EXOC4: variants seen among roughly 807,000 people sequenced by gnomAD.
EXOC4 encodes the protein SEC8-like 1.
Under a neutral mutation model 107.2 loss-of-function variants are expected in EXOC4, and 71 were observed. The ratio of observed to expected loss-of-function variants is 0.66; its 90% CI spans 0.55 to 0.81. The LOEUF (loss-of-function observed/expected upper bound fraction) is 0.81. EXOC4 is among the 30% of genes least tolerant of loss of function. The probability of loss-of-function intolerance (pLI) is 0.00; values close to 1 mark genes in which losing one functional copy is unlikely to be tolerated. For synonymous variants in EXOC4, 456 were observed against 441.2 expected, an observed-to-expected ratio of 1.03 and a Z score of -0.42; for missense variants, 1,108 against 1,189.6, an observed-to-expected ratio of 0.93 and a Z score of 1.01.
intron 9 of EXOC4, among the ~76,000 whole-genome samples, chr7:133,577,375 C>A (rs1358002011): frequency 6.6e-6 from 1 of 152,136 alleles, no homozygotes; most frequent in African/African-American, 2.4e-5. Context: ...TCACCTCTCT[C>A]TCAATTTTCG....
chr7:134,056,737 T>C (rs1260876067), intron 17 of EXOC4, among the ~76,000 whole-genome samples: 3 of 152,192 alleles, frequency 2.0e-5, no homozygotes, highest in Non-Finnish European at 2.9e-5. Context: ...GAAGAGGACA[T>C]GTCAACCATA....
chr7:133,324,584 G>A (rs974382864), intron 5 of EXOC4, among the ~76,000 whole-genome samples: 3 of 152,050 alleles, frequency 2.0e-5, no homozygotes, highest in African/African-American at 7.2e-5. Context: ...ACAGTTTGTT[G>A]TGATTTCTGT....
At chr7:133,644,959 G>A (rs1802951490) in intron 10 of EXOC4, among the ~76,000 whole-genome samples, 1 of 152,116 alleles carries the variant, frequency 6.6e-6, no homozygotes, top group South Asian at 2.1e-4. Flanking sequence ...CTCAGCCATA[G>A]CTGTATCCCC....
chr7:133,785,454 G>C (rs1452376832), intron 10 of EXOC4, among the ~76,000 whole-genome samples: 1 of 152,012 alleles, frequency 6.6e-6, no homozygotes, highest in Non-Finnish European at 1.5e-5. Flanking sequence ...ATCTTTTGAT[G>C]ACTTTGTAAT....
chr7:133,715,504 G>A lies in EXOC4; in HGVS notation c.1514+85363G>A, dbSNP rs1794981589. 1.3e-5 allele frequency among the ~76,000 whole-genome samples: 2 copies of A among 151,402 alleles called. 1 individual carries two copies. The highest frequency in any genetic ancestry group is 4.2e-4 in the South Asian group (2 of 4,808). On this transcript the variant is annotated intron_variant, in intron 10 of 17. Coordinates refer to ENST00000253861, the MANE Select transcript of EXOC4 (RefSeq NM_021807.4). ...ACTTTTTTTTTTTTTGGAAGGGGGAGAAATTGGGAATGCAAGCAATGGGAG... is the reference window on the plus strand; with the variant it reads ...ACTTTTTTTTTTTTTGGAAGGGGGAAAAATTGGGAATGCAAGCAATGGGAG...
intron 11 of EXOC4, among the ~76,000 whole-genome samples, chr7:133,889,263 T>C (rs1295033585): frequency 6.6e-6 from 1 of 152,140 alleles, no homozygotes; most frequent in East Asian, 1.9e-4. Flanking sequence ...TGATAGCGAC[T>C]TGAAAATCCC....
chr7:133,957,823 G>A (rs1030709265), intron 14 of EXOC4, among the ~76,000 whole-genome samples: 4 of 152,184 alleles, frequency 2.6e-5, no homozygotes, highest in East Asian at 1.9e-4. Context: ...TTCATTAGGG[G>A]TTAATTAGCC....
At chr7:133,370,091 C>G (rs527868705) in intron 6 of EXOC4, among the ~76,000 whole-genome samples, 1 of 151,952 alleles carries the variant, frequency 6.6e-6, no homozygotes, top group African/African-American at 2.4e-5. Context: ...TGTGCCTGGC[C>G]TCCTTCCAGA....
In EXOC4 at chr7:133,325,570, C is replaced by T. The variant is rs192808043; in HGVS notation, c.763+8180C>T. On this transcript the variant is annotated intron_variant, in intron 5 of 17. Coordinates refer to ENST00000253861, the MANE Select transcript of EXOC4 (RefSeq NM_021807.4). The stretch of plus-strand genomic sequence containing the variant: ...CTCTTCTGGCTTGTAGAGTTTCTGC[C>T]GAGAGATCCGCTGTTAGTCTGATGG... Among the ~76,000 whole-genome samples the T allele has an allele frequency of 1.9e-3, 287 of 152,236 alleles. 2 individuals are homozygous for T. Among genetic ancestry groups the T allele is most frequent in the African/African-American group, 6.5e-3 (269 of 41,530 alleles).
chr7:133,921,548 C>T (rs1184853172), intron 13 of EXOC4, among the ~76,000 whole-genome samples: 3 of 152,150 alleles, frequency 2.0e-5, no homozygotes, highest in African/African-American at 7.2e-5. Context: ...GAAGAGAAGT[C>T]TGATATAATT....
intron 9 of EXOC4, among the ~76,000 whole-genome samples, chr7:133,562,592 AGT>A (rs1800830615): frequency 6.6e-6 from 1 of 152,200 alleles, no homozygotes; most frequent in Non-Finnish European, 1.5e-5. Flanking sequence ...TGTTTTCACA[AGT>A]GTGTGAAGAC....
At chr7:133,352,189 T>G (rs1795925880) in intron 5 of EXOC4, among the ~76,000 whole-genome samples, 3 of 151,934 alleles carry the variant, frequency 2.0e-5, no homozygotes, top group Non-Finnish European at 4.4e-5. Context: ...GTCTGTTAGA[T>G]CTAGTTGGTT....
At chr7:133,823,870 T>TATATAA (rs1420436306) in intron 11 of EXOC4, among the ~76,000 whole-genome samples, 6 of 12,306 alleles carry the variant, frequency 4.9e-4, no homozygotes, top group African/African-American at 2.6e-3. Context: ...TATATATATA[T>TATATAA]ATTATATATA....
intron 7 of EXOC4, among the ~76,000 whole-genome samples, chr7:133,473,620 A>G (rs1360775911): frequency 6.6e-6 from 1 of 151,790 alleles, no homozygotes; most frequent in Admixed American, 6.6e-5. Context: ...TTTGTATGGA[A>G]TATCTTTTTC....
In EXOC4 at chr7:133,517,455, G is replaced by T. The variant is rs553834241; in HGVS notation, c.1417+37317G>T. Reference sequence around the variant, plus strand: ...ATGTGTATTAGCTCATTTTCATGCCGCTGATAAAGGCATACCTGTGACTGG... The same window carrying T: ...ATGTGTATTAGCTCATTTTCATGCCTCTGATAAAGGCATACCTGTGACTGG... On this transcript the variant is annotated intron_variant, in intron 9 of 17. Coordinates refer to ENST00000253861, the MANE Select transcript of EXOC4 (RefSeq NM_021807.4). Among the ~76,000 whole-genome samples the T allele has an allele frequency of 7.9e-5, 12 of 152,188 alleles. No individual in the cohort carries two copies. In the East Asian group the frequency reaches 1.7e-3, roughly 22 times the overall value.
At chr7:133,325,527 T>C (rs1255307444) in intron 5 of EXOC4, among the ~76,000 whole-genome samples, 6 of 152,226 alleles carry the variant, frequency 3.9e-5, no homozygotes, top group Non-Finnish European at 8.8e-5. Flanking sequence ...TTAAGAATGT[T>C]GTATATTGGC....
intron 10 of EXOC4, among the ~76,000 whole-genome samples, chr7:133,773,483 T>G (rs1402052574): frequency 6.6e-6 from 1 of 151,144 alleles, no homozygotes; most frequent in East Asian, 1.9e-4. Context: ...ATTATTATTA[T>G]TATTATTATT....
intron 17 of EXOC4, among the ~76,000 whole-genome samples, chr7:134,041,224 T>C (rs1257973395): frequency 6.6e-6 from 1 of 152,248 alleles, no homozygotes; most frequent in African/African-American, 2.4e-5. Context: ...TTGGTAGATA[T>C]TGAATTGCTG....
intron 9 of EXOC4, among the ~76,000 whole-genome samples, chr7:133,626,015 T>G (rs1802444692): frequency 6.6e-6 from 1 of 152,132 alleles, no homozygotes; most frequent in Non-Finnish European, 1.5e-5. Context: ...GAGACTAGCC[T>G]GGCCAACGTG....
Sources: gnomAD v4.1 joint callset for allele counts (sites outside exome capture counted in the v4.1 genomes callset) on GRCh38, gnomAD v4.1.1 for gene constraint, MANE v1.5 for transcripts, NCBI Gene and HGNC (gene_info 2026-07-23, HGNC 2026-07-21) for gene names.